TIMM13: variants seen among roughly 807,000 people sequenced by gnomAD.
The protein encoded by TIMM13 is mitochondrial import inner membrane translocase subunit Tim13.
TIMM13 carries 8 observed loss-of-function variants against 10.9 expected under a neutral mutation model. The observed-to-expected ratio is 0.73, with a 90% CI of 0.43 to 1.32. The LOEUF (loss-of-function observed/expected upper bound fraction) is 1.32, where lower values mean the gene tolerates loss of function less well. TIMM13 is among the 40% of genes most tolerant of loss of function. The probability of loss-of-function intolerance (pLI) is 0.01; values close to 1 mark genes in which losing one functional copy is unlikely to be tolerated. For missense variants in TIMM13, 147 were observed against 132.8 expected (o/e 1.11, Z -0.53); for synonymous variants, 68 against 52.5 (o/e 1.30, Z -1.28).
At position 2,426,719 on chromosome 19, in the gene TIMM13, T is replaced by G; in HGVS notation, c.*229A>C. On this transcript the variant is annotated 3_prime_UTR_variant, in exon 3 of 3. Transcript: ENST00000215570. ...GAATACCCCAAAGGCCTGAAGGAGGTGCCACTGGGCTGCCAGCACTTCAGG... is the reference window on the plus strand; with the variant it reads ...GAATACCCCAAAGGCCTGAAGGAGGGGCCACTGGGCTGCCAGCACTTCAGG... 1.7e-6 allele frequency: 1 copy of G among 584,086 alleles called. No homozygotes were observed. The highest frequency in any genetic ancestry group is 3.1e-6 in the Non-Finnish European group (1 of 326,068). The allele number at this position is 584,086 out of a possible 1,614,324, so 36.2% of individuals were successfully genotyped here. A position where few individuals can be genotyped will look rare whatever the true frequency, so the allele number is the denominator to read the frequency against.
At position 2,425,743 on chromosome 19, in the gene TIMM13, C is replaced by T; in HGVS notation, c.*1205G>A. ...GGCTGCAGTGGGAGGCACCGTTCCA[C>T]TCCGGGACCACGTGGCGGGTGTCCA... On this transcript the variant is annotated 3_prime_UTR_variant, in exon 3 of 3. Coordinates refer to ENST00000215570, the MANE Select transcript of TIMM13 (RefSeq NM_012458.4). 1.7e-6 allele frequency: 2 copies of T among 1,154,232 alleles called. No individual in the cohort carries two copies. The highest frequency in any genetic ancestry group is 1.2e-6 in the Non-Finnish European group (1 of 851,342). The allele number at this position is 1,154,232 out of a possible 1,614,324, so 71.5% of individuals were successfully genotyped here.
At position 2,427,256 on chromosome 19, in the gene TIMM13, C is replaced by T; in HGVS notation, c.189G>A (p.Gln63=). The change falls in exon 2 of 3, where the codon CAG becomes CAA. Residue 63 remains glutamine (Q), a splice_region_variant and synonymous_variant. Coordinates refer to ENST00000215570, the MANE Select transcript of TIMM13 (RefSeq NM_012458.4). ...KPGGSLDNSE[Q]KCIAMCMDRY... ...TGCCCCGAACCTCCGCGGGTCTCAC[C>T]TGCTCGGAGTTGTCCAGGGAGCCCC... is the stretch of plus-strand genomic sequence containing the variant. 6.2e-7 allele frequency: 1 copy of T among 1,613,262 alleles called. No homozygotes were observed. Among genetic ancestry groups the T allele is most frequent in the Non-Finnish European group, 8.5e-7 (1 of 1,179,812 alleles).
chr19:2,427,551 C>A lies in TIMM13; in HGVS notation c.-18G>T, dbSNP rs750724878. ...CCCTCCATGGCTCCGCAAAGTCAAC[C>A]GGACCGAGGCCGCGTGCGCCGACTC... On this transcript the variant is annotated 5_prime_UTR_variant, in exon 1 of 3. Coordinates refer to ENST00000215570, the MANE Select transcript of TIMM13 (RefSeq NM_012458.4). 5.0e-6 allele frequency: 8 copies of A among 1,586,098 alleles called. No individual in the cohort carries two copies. The highest frequency in any genetic ancestry group is 2.3e-5 in the South Asian group (2 of 88,854).
chr19:2,425,689 C>A lies in TIMM13; in HGVS notation c.*1259G>T. 1 of 1,231,610 alleles carries A rather than the reference C, an allele frequency of 8.1e-7. No homozygotes were observed. Among genetic ancestry groups the A allele is most frequent in the African/African-American group, 1.6e-5 (1 of 63,566 alleles). 76.3% of individuals were successfully genotyped at this position (1,231,610 alleles called of 1,614,324 possible). On this transcript the variant is annotated 3_prime_UTR_variant, in exon 3 of 3. Coordinates refer to ENST00000215570, the MANE Select transcript of TIMM13 (RefSeq NM_012458.4). ...TATTGGGCAACCCACCGCATCCCATCCCCGGGCCTCGGCGGCAGAGCAGGC... is the reference window on the plus strand; with the variant it reads ...TATTGGGCAACCCACCGCATCCCATACCCGGGCCTCGGCGGCAGAGCAGGC...
At position 2,426,257 on chromosome 19, in the gene TIMM13, C is replaced by T; in HGVS notation, c.*691G>A. 2.8e-6 allele frequency: 1 copy of T among 354,402 alleles called. No individual in the cohort carries two copies. Among genetic ancestry groups the T allele is most frequent in the Non-Finnish European group, 4.1e-6 (1 of 244,692 alleles). 22.0% of individuals were successfully genotyped at this position (354,402 alleles called of 1,614,324 possible). A position where few individuals can be genotyped will look rare whatever the true frequency, so the allele number is the denominator to read the frequency against. On this transcript the variant is annotated 3_prime_UTR_variant, in exon 3 of 3. Coordinates refer to ENST00000215570, the MANE Select transcript of TIMM13 (RefSeq NM_012458.4). ...TGTTCCAATAAACACAGCCCCTCCA[C>T]CCTAGCTCACTGGCTCAGCACCTCA...
At position 2,426,084 on chromosome 19, in the gene TIMM13, AGTGACCACCAC is replaced by A. The variant is rs757544030; in HGVS notation, c.*853_*863del. ...GGCTGGATAGGACAGCACATCCAGG[AGTGACCACCAC>A]GTGACTGCCCAGGCCGAGACTCTAC... is the stretch of plus-strand genomic sequence containing the variant. On this transcript the variant is annotated 3_prime_UTR_variant, in exon 3 of 3. Transcript: ENST00000215570. The A allele has an allele frequency of 5.6e-6, 9 of 1,599,544 alleles. No individual in the cohort carries two copies. The highest frequency in any genetic ancestry group is 6.8e-6 in the Non-Finnish European group (8 of 1,175,010).
chr19:2,427,367 G>C lies in TIMM13; in HGVS notation c.121-43C>G, dbSNP rs371440314. ...GCTTTAGCCGCGACGTCGGCCCCCA[G>C]GGGTGGCCCTGTCGCCCCCAGCGCC... On this transcript the variant is annotated intron_variant, in intron 1 of 2. Transcript: ENST00000215570. 3.7e-5 allele frequency: 59 copies of C among 1,612,216 alleles called. No individual in the cohort carries two copies. The African/African-American group carries it at 6.4e-4, about 17-fold the overall frequency.
In TIMM13 at chr19:2,425,820, G is replaced by A. The variant is rs1006547208; in HGVS notation, c.*1128C>T. On this transcript the variant is annotated 3_prime_UTR_variant, in exon 3 of 3. Coordinates refer to ENST00000215570, the MANE Select transcript of TIMM13 (RefSeq NM_012458.4). ...CCCATTTTCCAGATAGTGAAAATGC[G>A]GCTCCCAGGGGAAGTCACTAGGGTC... 5 of 1,418,244 alleles carry A rather than the reference G, an allele frequency of 3.5e-6. No homozygotes were observed. The highest frequency in any genetic ancestry group is 1.5e-5 in the African/African-American group (1 of 68,574). 87.9% of individuals were successfully genotyped at this position (1,418,244 alleles called of 1,614,324 possible).
chr19:2,427,165 G>T lies in TIMM13; in HGVS notation c.189+91C>A, dbSNP rs1222741545. The T allele has an allele frequency of 1.9e-6, 3 of 1,569,786 alleles. No homozygotes were observed. The African/African-American group carries it at 4.1e-5, about 21-fold the overall frequency. On this transcript the variant is annotated intron_variant, in intron 2 of 2. Transcript: ENST00000215570. The stretch of plus-strand genomic sequence containing the variant: ...ACGCACGTGCAGTGACCACTCCGTC[G>T]CACCTCCCCGTTAGTCTGCGCACGC...
rs1355262071 is a variant in TIMM13, at chr19:2,426,919, A to C, written c.*29T>G. 1 of 1,558,310 alleles carries C rather than the reference A, an allele frequency of 6.4e-7. No individual in the cohort carries two copies. Among genetic ancestry groups the C allele is most frequent in the Non-Finnish European group, 8.7e-7 (1 of 1,151,288 alleles). On this transcript the variant is annotated 3_prime_UTR_variant, in exon 3 of 3. Transcript: ENST00000215570. ...CTCTCAAAGCACGTTTATGGAAATG[A>C]ACAGGGTGGGGTGGCCCGCGCTCGC...
chr19:2,425,962 C>A lies in TIMM13; in HGVS notation c.*986G>T, dbSNP rs1159993174. 1 of 1,606,220 alleles carries A rather than the reference C, an allele frequency of 6.2e-7. No homozygotes were observed. Among genetic ancestry groups the A allele is most frequent in the East Asian group, 2.2e-5 (1 of 44,686 alleles). ...GGGGACCCCTGGCCTGCAGGGAGCCCTCTGGACGGTGGGTGCTAACTGGGG... is the reference window on the plus strand; with the variant it reads ...GGGGACCCCTGGCCTGCAGGGAGCCATCTGGACGGTGGGTGCTAACTGGGG... On this transcript the variant is annotated 3_prime_UTR_variant, in exon 3 of 3. Transcript: ENST00000215570.
chr19:2,426,906 G>T lies in TIMM13; in HGVS notation c.*42C>A, dbSNP rs761739354. ...ATGCGGACCCCGCCTCTCAAAGCAC[G>T]TTTATGGAAATGAACAGGGTGGGGT... On this transcript the variant is annotated 3_prime_UTR_variant, in exon 3 of 3. Coordinates refer to ENST00000215570, the MANE Select transcript of TIMM13 (RefSeq NM_012458.4). 2 of 1,545,306 alleles carry T rather than the reference G, an allele frequency of 1.3e-6. No homozygotes were observed. The highest frequency in any genetic ancestry group is 1.9e-5 in the Admixed American group (1 of 51,342).
At position 2,426,040 on chromosome 19, in the gene TIMM13, C is replaced by G. The variant is rs759515840; in HGVS notation, c.*908G>C. The G allele has an allele frequency of 2.5e-6, 4 of 1,609,486 alleles. No homozygotes were observed. The highest frequency in any genetic ancestry group is 3.4e-6 in the Non-Finnish European group (4 of 1,178,484). On this transcript the variant is annotated 3_prime_UTR_variant, in exon 3 of 3. Coordinates refer to ENST00000215570, the MANE Select transcript of TIMM13 (RefSeq NM_012458.4). ...GGCCCCACTTCCCAGGTGTCTATAC[C>G]CGGGTGGCAGCTGTGAGAGGCTGGA...
rs1971649060 is a variant in TIMM13 at position 2,426,804 on chromosome 19, G to A, written c.*144C>T. The A allele has an allele frequency of 3.7e-6, 3 of 805,868 alleles. No individual in the cohort carries two copies. The highest frequency in any genetic ancestry group is 3.4e-5 in the African/African-American group (2 of 59,326). The allele number at this position is 805,868 out of a possible 1,614,324, so 49.9% of individuals were successfully genotyped here. Reference sequence around the variant, plus strand: ...TGCACTGGCTGGCAGGGGGCAGGGCGGGGGGTGGCGAGGACACAGTCCCGT... The same window carrying A: ...TGCACTGGCTGGCAGGGGGCAGGGCAGGGGGTGGCGAGGACACAGTCCCGT... On this transcript the variant is annotated 3_prime_UTR_variant, in exon 3 of 3. Transcript: ENST00000215570.
In TIMM13 at chr19:2,425,943, C is replaced by G; in HGVS notation, c.*1005G>C. 6.2e-7 allele frequency: 1 copy of G among 1,600,002 alleles called. No homozygotes were observed. The highest frequency in any genetic ancestry group is 8.5e-7 in the Non-Finnish European group (1 of 1,175,556). The stretch of plus-strand genomic sequence containing the variant: ...CCCCAACAGGGTGACGCTGGGGGAC[C>G]CCTGGCCTGCAGGGAGCCCTCTGGA... On this transcript the variant is annotated 3_prime_UTR_variant, in exon 3 of 3. Coordinates refer to ENST00000215570, the MANE Select transcript of TIMM13 (RefSeq NM_012458.4).
chr19:2,426,261 A>G lies in TIMM13; in HGVS notation c.*687T>C. ...CCAATAAACACAGCCCCTCCACCCT[A>G]GCTCACTGGCTCAGCACCTCAGTGT... On this transcript the variant is annotated 3_prime_UTR_variant, in exon 3 of 3. Transcript: ENST00000215570. 1 of 349,882 alleles carries G rather than the reference A, an allele frequency of 2.9e-6. No homozygotes were observed. The highest frequency in any genetic ancestry group is 4.2e-6 in the Non-Finnish European group (1 of 240,322). The allele number at this position is 349,882 out of a possible 1,614,324, so 21.7% of individuals were successfully genotyped here. A position where few individuals can be genotyped will look rare whatever the true frequency, so the allele number is the denominator to read the frequency against.
chr19:2,426,992 G>A lies in TIMM13; in HGVS notation c.244C>T (p.Arg82Cys), dbSNP rs1236445618. ...CGCTGCAGCCGCGAGTTGTAGGCGC[G>A]AGACACGGTGTTCCAGGCGTCCATG... Reference protein sequence around the residue: ...RYMDAWNTVSRAYNSRLQRER... With the variant: ...RYMDAWNTVSCAYNSRLQRER... Residue 82 changes from arginine (R) to cysteine (C), a missense_variant, in exon 3 of 3, where the codon CGC becomes TGC. Arg to Cys is a radical substitution (Grantham distance 180). Coordinates refer to ENST00000215570, the MANE Select transcript of TIMM13 (RefSeq NM_012458.4). 5.6e-6 allele frequency: 9 copies of A among 1,607,454 alleles called. No individual in the cohort carries two copies. The highest frequency in any genetic ancestry group is 2.2e-5 in the East Asian group (1 of 44,512).
At chr19:2,427,207 TC>T (rs1568197646) in intron 2 of TIMM13, 48 bp downstream of exon 2, 1 of 1,254,892 alleles carries the variant, frequency 8.0e-7, no homozygotes, top group African/African-American at 2.5e-5. Context: ...ACCTCCCCCC[TC>T]GAATCTAGGC....
In TIMM13 at chr19:2,425,903, C is replaced by A. The variant is rs771390390; in HGVS notation, c.*1045G>T. 1.3e-6 allele frequency: 2 copies of A among 1,566,466 alleles called. No homozygotes were observed. Among genetic ancestry groups the A allele is most frequent in the South Asian group, 2.4e-5 (2 of 84,970 alleles). ...TGTAGGGGAGGTACCGGCCTCTGAA[C>A]CCCCTTTCTTCTCTCCCCAACAGGG... On this transcript the variant is annotated 3_prime_UTR_variant, in exon 3 of 3. Coordinates refer to ENST00000215570, the MANE Select transcript of TIMM13 (RefSeq NM_012458.4).
Sources: allele counts gnomAD v4.1 joint callset, GRCh38; gene constraint gnomAD v4.1.1; transcripts MANE v1.5; gene names NCBI Gene and HGNC (gene_info 2026-07-23, HGNC 2026-07-21).